The following MECOM variants were observed in gnomAD, a reference collection of about 807,000 sequenced individuals.
The protein encoded by MECOM is histone-lysine N-methyltransferase MECOM.
In MECOM, 13 loss-of-function variants were observed where a neutral mutation model predicts 116.3. That is an observed-to-expected ratio of 0.11 (90% CI 0.07 to 0.18). The LOEUF is 0.18. MECOM is among the 10% of genes least tolerant of loss of function. The probability of loss-of-function intolerance (pLI) is 1.00; values close to 1 mark genes in which losing one functional copy is unlikely to be tolerated. For missense variants in MECOM, 1,299 were observed against 1,509.0 expected (o/e 0.86, Z 2.31); for synonymous variants, 528 against 535.2 (o/e 0.99, Z 0.19).
chr3:169,106,400 T>C (rs1352166908), intron 10 of MECOM, among the ~76,000 whole-genome samples: 2 of 152,148 alleles, frequency 1.3e-5, no homozygotes, highest in African/African-American at 4.8e-5. Flanking sequence ...TCACGGAGAA[T>C]GGAATATTCA....
In MECOM at chr3:169,584,337, G is replaced by A. The variant is rs184895499; in HGVS notation, c.37+78999C>T. On this transcript the variant is annotated intron_variant, in intron 1 of 16. Transcript: ENST00000651503. ...TCCCAGCACTTTGGGAGGCCGGGGC[G>A]GGCGGATCACGAGGTCTGGAGATAG... Among the ~76,000 whole-genome samples, 671 of 151,784 alleles carry A rather than the reference G, an allele frequency of 4.4e-3. 5 individuals are homozygous for A. The highest frequency in any genetic ancestry group is 0.015 in the African/African-American group (633 of 41,438).
At chr3:169,470,119 T>C (rs1748959916) in intron 1 of MECOM, 1 of 152,208 alleles carries the variant, frequency 6.6e-6, no homozygotes, top group African/African-American at 2.4e-5. Context: ...AAAGTGTATA[T>C]GATTACAAAC....
chr3:169,401,961 A>G (rs1402117857), intron 1 of MECOM, among the ~76,000 whole-genome samples: 1 of 152,216 alleles, frequency 6.6e-6, no homozygotes, highest in Non-Finnish European at 1.5e-5. Flanking sequence ...ACTGGATATT[A>G]GCATGATCAC....
chr3:169,527,001 G>A (rs750485180), intron 1 of MECOM, among the ~76,000 whole-genome samples: 23 of 152,290 alleles, frequency 1.5e-4, no homozygotes, highest in African/African-American at 3.4e-4. Context: ...AAAAAGAGAC[G>A]AGTTTCGTAT....
chr3:169,252,095 T>C (rs1756312576), intron 2 of MECOM, among the ~76,000 whole-genome samples: 2 of 152,140 alleles, frequency 1.3e-5, no homozygotes. Context: ...CTATCATAAA[T>C]GTACAAAAAA....
intron 2 of MECOM, among the ~76,000 whole-genome samples, chr3:169,344,518 GAATTCTAGGCT>G (rs1198370415): frequency 6.6e-6 from 1 of 152,132 alleles, no homozygotes; most frequent in Non-Finnish European, 1.5e-5. Flanking sequence ...CAAGAAGCCT[GAATTCTAGGCT>G]TTGTTTTGCC....
rs144625344 is a variant in MECOM at position 169,213,952 on chromosome 3, C to A, written c.376-70120G>T. Among the ~76,000 whole-genome samples, 412 of 152,032 alleles carry A rather than the reference C, an allele frequency of 2.7e-3. 1 individual carries two copies. Among genetic ancestry groups the A allele is most frequent in the South Asian group, 0.01 (50 of 4,806 alleles). On this transcript the variant is annotated intron_variant, in intron 2 of 16. Coordinates refer to ENST00000651503, the MANE Select transcript of MECOM (RefSeq NM_004991.4). ...GACTGGAGGAAGAAAAGTGACTTGC[C>A]CTTATTTATCTTTTTTAGGGGCTAC... is the stretch of plus-strand genomic sequence containing the variant.
intron 1 of MECOM, among the ~76,000 whole-genome samples, chr3:169,454,853 C>T (rs1746209077): frequency 1.3e-5 from 2 of 152,140 alleles, no homozygotes. Flanking sequence ...ATTATAAAGC[C>T]TGACACGCCT....
At chr3:169,304,344 G>A (rs1034675916) in intron 2 of MECOM, among the ~76,000 whole-genome samples, 1 of 152,146 alleles carries the variant, frequency 6.6e-6, no homozygotes, top group Admixed American at 6.5e-5. Context: ...GAATAATTCA[G>A]CCAAATCAAT....
chr3:169,614,067 T>G (rs1769642774), intron 1 of MECOM, among the ~76,000 whole-genome samples: 1 of 151,640 alleles, frequency 6.6e-6, no homozygotes, highest in East Asian at 1.9e-4. Context: ...CTTCATTCAC[T>G]TTCCCTCCCT....
chr3:169,095,189 C>T lies in MECOM; in HGVS notation c.2906G>A (p.Arg969His), dbSNP rs2148891008. ...SISSNLQRHVRNIHNKEKPFK... is the reference protein window; with the variant it reads ...SISSNLQRHVHNIHNKEKPFK... ...TGGCTTCTCTTTATTGTGGATGTTG[C>T]GAACATGCCTTTGCAAGTTAGAAGA... The change falls in exon 13 of 17, where the codon CGC (arginine) becomes CAC (histidine). Residue 969 changes from arginine (R) to histidine (H), a missense_variant. Physicochemically the swap from Arg to His is conservative, Grantham distance 29. Around this residue, in one of 6 missense-constraint regions of MECOM, gnomAD observed 32 missense variants for 96.7 expected, o/e 0.33. Coordinates refer to ENST00000651503, the MANE Select transcript of MECOM (RefSeq NM_004991.4). 1.2e-6 allele frequency: 2 copies of T among 1,613,268 alleles called. No individual in the cohort carries two copies. Among genetic ancestry groups the T allele is most frequent in the Non-Finnish European group, 1.7e-6 (2 of 1,179,632 alleles).
At chr3:169,227,278 T>C (rs1752850679) in intron 2 of MECOM, among the ~76,000 whole-genome samples, 1 of 152,140 alleles carries the variant, frequency 6.6e-6, no homozygotes, top group Admixed American at 6.5e-5. Flanking sequence ...ACATACTTTC[T>C]TCATAATATT....
chr3:169,490,233 A>G (rs1474990818), intron 1 of MECOM, among the ~76,000 whole-genome samples: 4 of 152,190 alleles, frequency 2.6e-5, no homozygotes, highest in Non-Finnish European at 5.9e-5. Context: ...GCAAAAATAG[A>G]AATTGAATCA....
intron 1 of MECOM, among the ~76,000 whole-genome samples, chr3:169,424,354 G>A (rs114233932): frequency 2.0e-5 from 3 of 152,108 alleles, no homozygotes; most frequent in African/African-American, 7.2e-5. Context: ...TGATTTTATG[G>A]TAGTAAAACT....
chr3:169,354,338 C>T (rs1726879140), intron 2 of MECOM, among the ~76,000 whole-genome samples: 1 of 151,796 alleles, frequency 6.6e-6, no homozygotes, highest in Admixed American at 6.6e-5. Flanking sequence ...AAACCTAATG[C>T]CTACAGTTTT....
At chr3:169,634,735 T>G (rs913442445) in intron 1 of MECOM, among the ~76,000 whole-genome samples, 7 of 151,974 alleles carry the variant, frequency 4.6e-5, no homozygotes, top group African/African-American at 1.7e-4. Context: ...TAATGTTCAT[T>G]TGGGAGCACT....
At chr3:169,320,996 C>A (rs906843096) in intron 2 of MECOM, among the ~76,000 whole-genome samples, 1 of 152,058 alleles carries the variant, frequency 6.6e-6, no homozygotes, top group East Asian at 1.9e-4. Flanking sequence ...CAGAAAATAA[C>A]CCAGGGTCTC....
At chr3:169,396,009 C>A (rs1363801868) in intron 1 of MECOM, among the ~76,000 whole-genome samples, 5 of 152,250 alleles carry the variant, frequency 3.3e-5, no homozygotes, top group South Asian at 2.1e-4. Flanking sequence ...ACTATAGAAG[C>A]TATCCCCAAA....
chr3:169,560,018 C>T (rs1372257461), intron 1 of MECOM, among the ~76,000 whole-genome samples: 1 of 152,070 alleles, frequency 6.6e-6, no homozygotes, highest in Non-Finnish European at 1.5e-5. Flanking sequence ...ATCATATAAA[C>T]ATAAAAGCCC....
Sources: gnomAD v4.1 joint callset for allele counts (sites outside exome capture counted in the v4.1 genomes callset) on GRCh38, gnomAD v4.1.1 for gene constraint, gnomAD v4.1.1 regional missense constraint, MANE v1.5 for transcripts, NCBI Gene and HGNC (gene_info 2026-07-23, HGNC 2026-07-21) for gene names.